MSR1: variants seen among roughly 807,000 people sequenced by gnomAD.
MSR1 encodes the protein macrophage scavenger receptor 1, also known as macrophage scavenger receptor types I and II.
A neutral mutation model predicts 47.2 loss-of-function variants in MSR1; 53 were observed. That is an observed-to-expected ratio of 1.12 (90% confidence interval 0.90 to 1.41). The LOEUF (loss-of-function observed/expected upper bound fraction) is 1.41, where lower values mean the gene tolerates loss of function less well. Ranked by LOEUF, MSR1 falls within the 40% of genes most tolerant of loss-of-function variation. The pLI is 0.00. For missense variants in MSR1, 786 were observed against 546.9 expected, an observed-to-expected ratio of 1.44 and a Z score of -4.36; for synonymous variants, 239 against 185.6, an observed-to-expected ratio of 1.29 and a Z score of -2.34.
intron 6 of MSR1, among the ~76,000 whole-genome samples, chr8:16,152,342 C>A (rs901094840): frequency 2.6e-5 from 4 of 152,014 alleles, no homozygotes; most frequent in African/African-American, 9.7e-5. Context: ...TAGGGAGGGG[C>A]CTTCTTGGGG....
chr8:16,131,257 A>T (rs1049144203), intron 8 of MSR1, among the ~76,000 whole-genome samples: 53 of 152,164 alleles, frequency 3.5e-4, no homozygotes, highest in African/African-American at 1.3e-3. Context: ...ACATTTTTGC[A>T]TATGCTTGTT....
At position 16,109,845 on chromosome 8, in the gene MSR1, A is replaced by G. The variant is rs13306544; in HGVS notation, c.*240T>C. The stretch of plus-strand genomic sequence containing the variant: ...CTATAAACTTCAAAATGTTCAATTC[A>G]GCATATAAGTCATTATATTAGAAAA... On this transcript the variant is annotated 3_prime_UTR_variant, in exon 10 of 10. Transcript: ENST00000262101. 0.075 allele frequency: 39,240 copies of G among 520,740 alleles called. 2,107 individuals carry two copies. The highest frequency in any genetic ancestry group is 0.16 in the African/African-American group (8,378 of 52,338). The allele number at this position is 520,740 out of a possible 1,614,324, so 32.3% of individuals were successfully genotyped here. A position where few individuals can be genotyped will look rare whatever the true frequency, so the allele number is the denominator to read the frequency against.
chr8:16,136,879 G>A (rs570513991), intron 8 of MSR1, among the ~76,000 whole-genome samples: 4 of 152,132 alleles, frequency 2.6e-5, no homozygotes, highest in African/African-American at 7.2e-5. Context: ...GGGATTACAC[G>A]TGTGAGCCAC....
chr8:16,189,882 C>T (rs1158552035), intron 1 of MSR1, among the ~76,000 whole-genome samples: 4 of 145,740 alleles, frequency 2.7e-5, no homozygotes, highest in Non-Finnish European at 6.0e-5. Context: ...GGCAATGCTT[C>T]ACTGATATAA....
At chr8:16,178,113 T>G (rs1178267701) in intron 1 of MSR1, 121 bp from the exon 2 acceptor site, 1 of 760,554 alleles carries the variant, frequency 1.3e-6, no homozygotes, top group Non-Finnish European at 2.1e-6. Flanking sequence ...CTTTTTTTTT[T>G]TTAATTATAC....
intron 9 of MSR1, among the ~76,000 whole-genome samples, chr8:16,112,787 C>T (rs565432406): frequency 6.6e-6 from 1 of 151,770 alleles, no homozygotes. Flanking sequence ...ACAAAAATTA[C>T]GTGTGTTTCT....
chr8:16,168,202 C>T (rs904018888), intron 4 of MSR1, among the ~76,000 whole-genome samples: 2 of 152,250 alleles, frequency 1.3e-5, no homozygotes, highest in African/African-American at 2.4e-5. Context: ...GACATTTTAA[C>T]AGTATTTATA....
intron 1 of MSR1, among the ~76,000 whole-genome samples, chr8:16,183,560 T>G (rs1040431278): frequency 3.5e-5 from 5 of 144,914 alleles, no homozygotes; most frequent in Admixed American, 2.9e-4. Flanking sequence ...CATTATATAA[T>G]ATATAATTTA....
intron 8 of MSR1, among the ~76,000 whole-genome samples, chr8:16,125,727 C>G (rs184572015): frequency 6.6e-4 from 100 of 152,178 alleles, no homozygotes; most frequent in African/African-American, 2.2e-3. Flanking sequence ...CATACTGGTA[C>G]TTCAACTCTG....
intron 1 of MSR1, among the ~76,000 whole-genome samples, chr8:16,189,190 G>A (rs555759817): frequency 0.012 from 1,579 of 135,458 alleles, 19 homozygotes; most frequent in Non-Finnish European, 0.017. Flanking sequence ...TCATATATAC[G>A]TAAAACCTTA....
chr8:16,141,192 T>A (rs1234328196), intron 8 of MSR1: 1 of 823,002 alleles, frequency 1.2e-6, no homozygotes, highest in African/African-American at 1.7e-5. Context: ...GGCACTTTCA[T>A]ACAGAATAAA....
chr8:16,178,015 A>G (rs750615087), intron 1 of MSR1, 23 bp from the exon 2 acceptor site: 2 of 1,565,334 alleles, frequency 1.3e-6, no homozygotes, highest in South Asian at 2.2e-5. Flanking sequence ...ATGGAAAAAT[A>G]TATTAATTCC....
rs1801241662 is a variant in MSR1, at chr8:16,164,231, C to T, written c.651G>A (p.Glu217=). The change falls in exon 5 of 10, where the codon GAG becomes GAA. Residue 217 remains glutamate (E), a synonymous_variant. Transcript: ENST00000262101. ...TTTCTGCTGATACATTGTAAACACG[C>T]TCCTCTAATTTACTGATTTCCTGTA... ...KQQEEISKLE[E]RVYNVSAEIM... The T allele has an allele frequency of 2.5e-6, 4 of 1,611,866 alleles. No homozygotes were observed. The African/African-American group carries it at 5.3e-5, about 21-fold the overall frequency.
intron 8 of MSR1, chr8:16,139,773 A>AT (rs1800496792): frequency 3.7e-5 from 1 of 27,298 alleles, no homozygotes; most frequent in African/African-American, 1.3e-4. Flanking sequence ...AAAAAAAAAA[A>AT]AATATATATA....
rs1166613154 is a variant in MSR1, at chr8:16,164,169, T to C, written c.713A>G (p.Gln238Arg). 1 of 1,612,286 alleles carries C rather than the reference T, an allele frequency of 6.2e-7. No individual in the cohort carries two copies. Among genetic ancestry groups the C allele is most frequent in the Non-Finnish European group, 8.5e-7 (1 of 1,178,788 alleles). ...TACTTTCACTTCTCCTTTTATTTCC[T>C]GTTCCAAATGCACTTGTTCTTCTTT... ...AMKEEQVHLE[Q>R]EIKGEVKVLN... The change falls in exon 5 of 10, where the codon CAG becomes CGG. Residue 238 changes from glutamine to arginine, a missense_variant. Coordinates refer to ENST00000262101, the MANE Select transcript of MSR1 (RefSeq NM_138715.3).
chr8:16,143,458 GTGCTGAAGTTGCGAACATT>G, intron 8 of MSR1, 81 bp downstream of exon 8: 1 of 981,432 alleles, frequency 1.0e-6, no homozygotes. Flanking sequence ...GTATGGATCT[GTGCTGAAGTTGCGAACATT>G]TGCCTCAAGC....
chr8:16,140,237 G>C (rs545942947), intron 8 of MSR1: 3 of 984,500 alleles, frequency 3.0e-6, no homozygotes, highest in Non-Finnish European at 3.6e-6. Flanking sequence ...AGGTGAATGC[G>C]TGTAGTCCAG....
At chr8:16,180,287 C>T (rs1305096012) in intron 1 of MSR1, among the ~76,000 whole-genome samples, 1 of 152,056 alleles carries the variant, frequency 6.6e-6, no homozygotes, top group Non-Finnish European at 1.5e-5. Flanking sequence ...GCATACTAAG[C>T]AGCTTTTAAA....
At chr8:16,164,289 A>G (rs1801243788) in intron 4 of MSR1, 38 bp from the exon 5 acceptor site, 1 of 1,547,030 alleles carries the variant, frequency 6.5e-7, no homozygotes, top group African/African-American at 1.4e-5. Flanking sequence ...CCTTTGTTAC[A>G]TACATAATTA....
Sources: gnomAD v4.1 joint callset for allele counts (sites outside exome capture counted in the v4.1 genomes callset) on GRCh38, gnomAD v4.1.1 for gene constraint, MANE v1.5 for transcripts, NCBI Gene and HGNC (gene_info 2026-07-23, HGNC 2026-07-21) for gene names.